MED13L: variants seen among roughly 807,000 people sequenced by gnomAD.
MED13L encodes the protein mediator complex subunit 13L.
In MED13L, 7 loss-of-function variants were observed where a neutral mutation model predicts 220.9. The observed-to-expected ratio is 0.03, with a 90% CI of 0.02 to 0.06. MED13L has a LOEUF of 0.06. Ranked by LOEUF, MED13L falls within the 10% of genes least tolerant of loss-of-function variation. MED13L has a pLI of 1.00. For missense variants in MED13L, 1,965 were observed against 2,760.5 expected (o/e 0.71, Z 6.46); for synonymous variants, 1,011 against 1,015.2 (o/e 1.00, Z 0.08).
At position 116,033,090 on chromosome 12, in the gene MED13L, T is replaced by TA. The variant is rs35291464; in HGVS notation, c.480-10490dup. On this transcript the variant is annotated intron_variant, in intron 4 of 30. Transcript: ENST00000281928. ...TGAGTTTGATTGGGTTTTGTTTTTT[T>TA]AAAAAAAAACACATTCAAGAATATA... Among the ~76,000 whole-genome samples, 42 of 151,124 alleles carry TA rather than the reference T, an allele frequency of 2.8e-4. No individual in the cohort carries two copies. In the East Asian group the frequency reaches 3.3e-3, roughly 12 times the overall value.
At chr12:116,070,439 C>T (rs1870278531) in intron 4 of MED13L, among the ~76,000 whole-genome samples, 2 of 152,164 alleles carry the variant, frequency 1.3e-5, no homozygotes, top group African/African-American at 4.8e-5. Context: ...CTCATTTCAT[C>T]TCCATAATCC....
chr12:115,991,686 G>A lies in MED13L; in HGVS notation c.3268C>T (p.Arg1090Trp), dbSNP rs762410081. The A allele has an allele frequency of 3.1e-6, 5 of 1,613,878 alleles. No homozygotes were observed. The highest frequency in any genetic ancestry group is 3.3e-5 in the Admixed American group (2 of 59,994). ...GCGGGCTCCACAGAGTTGAGGGGCC[G>A]TGTAGTAGAGGGGGTGGAGGCTGGT... is the stretch of plus-strand genomic sequence containing the variant. The part of the protein sequence containing the change: ...GSPASTPSTT[R>W]PLNSVEPATM... The change falls in exon 17 of 31, where the codon CGG (arginine) becomes TGG (tryptophan). Residue 1090 changes from arginine (R) to tryptophan (W), a missense_variant. Arg to Trp is a moderately radical substitution (Grantham distance 101). Transcript: ENST00000281928. The surrounding 1 kb of genome is among the most constrained non-coding windows in gnomAD (Gnocchi z 7.7).
intron 4 of MED13L, among the ~76,000 whole-genome samples, chr12:116,035,602 T>G (rs1881138622): frequency 6.6e-6 from 1 of 151,930 alleles, no homozygotes; most frequent in African/African-American, 2.4e-5. Context: ...ATTAATTAAT[T>G]TATTTAGAGA....
intron 24 of MED13L, 60 bp from the exon 25 acceptor site, chr12:115,975,373 C>A: frequency 6.2e-7 from 1 of 1,612,136 alleles, no homozygotes; most frequent in Non-Finnish European, 8.5e-7. Context: ...AGTTATTTAT[C>A]ACTTATAAGA....
intron 4 of MED13L, among the ~76,000 whole-genome samples, chr12:116,086,007 T>A (rs2137762919): frequency 6.6e-6 from 1 of 152,286 alleles, no homozygotes; most frequent in African/African-American, 2.4e-5. Flanking sequence ...TCTGGCTGGA[T>A]AAAATGGCTT....
intron 4 of MED13L, among the ~76,000 whole-genome samples, chr12:116,023,534 C>T (rs1880187222): frequency 1.3e-5 from 2 of 151,814 alleles, no homozygotes; most frequent in South Asian, 2.1e-4. Flanking sequence ...TTATAAAGTA[C>T]ATTTGGAGTA....
intron 2 of MED13L, among the ~76,000 whole-genome samples, chr12:116,215,202 C>A (rs2138367878): frequency 6.6e-6 from 1 of 152,288 alleles, no homozygotes; most frequent in East Asian, 1.9e-4. Flanking sequence ...TTTTCACCCA[C>A]AAATGGAGTA....
chr12:116,073,883 G>C (rs147186326), intron 4 of MED13L, among the ~76,000 whole-genome samples: 1 of 152,134 alleles, frequency 6.6e-6, no homozygotes, highest in Non-Finnish European at 1.5e-5. Context: ...TGATGGATCT[G>C]AATGCATGAA....
chr12:116,180,158 CA>C (rs1880413755), intron 2 of MED13L, among the ~76,000 whole-genome samples: 1 of 152,178 alleles, frequency 6.6e-6, no homozygotes, highest in Non-Finnish European at 1.5e-5. Flanking sequence ...CATCCAATGG[CA>C]GGGGCCAGAG....
intron 27 of MED13L, among the ~76,000 whole-genome samples, chr12:115,970,170 T>C (rs991312283): frequency 1.3e-5 from 2 of 152,138 alleles, no homozygotes; most frequent in Non-Finnish European, 2.9e-5. Context: ...TTCAAAAATT[T>C]CCATTAAGAA....
At chr12:116,097,540 T>C (rs1872721207) in intron 3 of MED13L, among the ~76,000 whole-genome samples, 1 of 152,214 alleles carries the variant, frequency 6.6e-6, no homozygotes, top group Non-Finnish European at 1.5e-5. Context: ...GATGAGGATC[T>C]CAGTGACAAA....
chr12:116,232,806 G>A (rs930844037), intron 2 of MED13L, among the ~76,000 whole-genome samples: 1 of 152,182 alleles, frequency 6.6e-6, no homozygotes, highest in African/African-American at 2.4e-5. Context: ...AGCATTTGTT[G>A]CCAGGCCCAG....
chr12:116,277,506 C>CGCCGCCGCCTCGGA lies in MED13L; in HGVS notation c.-389_-376dup, dbSNP rs1400237766. Among the ~76,000 whole-genome samples, 2 of 148,534 alleles carry CGCCGCCGCCTCGGA rather than the reference C, an allele frequency of 1.3e-5. No individual in the cohort carries two copies. Among genetic ancestry groups the CGCCGCCGCCTCGGA allele is most frequent in the African/African-American group, 2.5e-5 (1 of 40,816 alleles). ...GAGGGGAGGCGAGCCCCGGAGCCGC[C>CGCCGCCGCCTCGGA]GCCGCCGCCTCGGAGCCGCCGCCGC... is the stretch of plus-strand genomic sequence containing the variant. On this transcript the variant is annotated 5_prime_UTR_variant, in exon 1 of 31. Coordinates refer to ENST00000281928, the MANE Select transcript of MED13L (RefSeq NM_015335.5).
intron 3 of MED13L, among the ~76,000 whole-genome samples, chr12:116,104,938 C>CT (rs1873421120): frequency 2.6e-5 from 4 of 152,118 alleles, no homozygotes; most frequent in Admixed American, 2.6e-4. Flanking sequence ...AAGAAAAACT[C>CT]TTTTAAGTTT....
At chr12:116,175,409 C>T (rs969041640) in intron 2 of MED13L, among the ~76,000 whole-genome samples, 18 of 151,804 alleles carry the variant, frequency 1.2e-4, no homozygotes, top group African/African-American at 2.4e-4. Context: ...TTAATTCTGA[C>T]GAAAAAAGAA....
intron 4 of MED13L, among the ~76,000 whole-genome samples, chr12:116,024,728 C>T (rs909896056): frequency 8.3e-6 from 1 of 120,044 alleles, no homozygotes; most frequent in Non-Finnish European, 1.6e-5. Flanking sequence ...AGAAGGATTT[C>T]TCCTATGGTT....
rs1592967502 is a variant in MED13L at position 116,031,759 on chromosome 12, A to AGAAAAGAAAGAAGGAAGGAAG, written c.480-9159_480-9158insCTTCCTTCCTTCTTTCTTTTC. Among the ~76,000 whole-genome samples, 22 of 40,986 alleles carry AGAAAAGAAAGAAGGAAGGAAG rather than the reference A, an allele frequency of 5.4e-4. 1 individual carries two copies. The highest frequency in any genetic ancestry group is 7.8e-4 in the East Asian group (1 of 1,278). 26.9% of individuals were successfully genotyped at this position (40,986 alleles called of 152,430 possible). A position where few individuals can be genotyped will look rare whatever the true frequency, so the allele number is the denominator to read the frequency against. On this transcript the variant is annotated intron_variant, in intron 4 of 30. Coordinates refer to ENST00000281928, the MANE Select transcript of MED13L (RefSeq NM_015335.5). ...AGAAAAGAAAAGAAAAGAAAAGAAA[A>AGAAAAGAAAGAAGGAAGGAAG]GAAGGAAGGAAGGAAGGAAGGAAGG...
chr12:116,277,510 G>GCCGCCT lies in MED13L; in HGVS notation c.-385_-380dup, dbSNP rs1873981624. On this transcript the variant is annotated 5_prime_UTR_variant, in exon 1 of 31. Transcript: ENST00000281928. ...GGAGGCGAGCCCCGGAGCCGCCGCC[G>GCCGCCT]CCGCCTCGGAGCCGCCGCCGCCGCG... 6.7e-6 allele frequency among the ~76,000 whole-genome samples: 1 copy of GCCGCCT among 148,686 alleles called. No individual in the cohort carries two copies. Among genetic ancestry groups the GCCGCCT allele is most frequent in the African/African-American group, 2.4e-5 (1 of 40,902 alleles).
chr12:116,167,775 T>C (rs1879388516), intron 2 of MED13L, among the ~76,000 whole-genome samples: 1 of 152,206 alleles, frequency 6.6e-6, no homozygotes, highest in African/African-American at 2.4e-5. Flanking sequence ...TTTTTCATTA[T>C]TGCTTAATTG....
Sources: gnomAD v4.1 joint callset for allele counts (sites outside exome capture counted in the v4.1 genomes callset) on GRCh38, gnomAD v4.1.1 for gene constraint, Gnocchi (gnomAD v3.1) non-coding constraint, MANE v1.5 for transcripts, NCBI Gene and HGNC (gene_info 2026-07-23, HGNC 2026-07-21) for gene names.